GALNT17: variants seen among roughly 807,000 people sequenced by gnomAD.
GALNT17 encodes UDP-GalNAc:polypeptide N-acetylgalactosaminyltransferase-like 3.
Under a neutral mutation model 63.7 loss-of-function variants are expected in GALNT17, and 29 were observed. That is an observed-to-expected ratio of 0.46 (90% CI 0.34 to 0.62). The LOEUF is 0.62. Ranked by LOEUF, GALNT17 falls within the 20% of genes least tolerant of loss-of-function variation. The pLI is 0.01. For synonymous variants in GALNT17, 305 were observed against 318.3 expected (o/e 0.96, Z 0.45); for missense variants, 603 against 799.6 (o/e 0.75, Z 2.97).
intron 5 of GALNT17, among the ~76,000 whole-genome samples, chr7:71,432,242 C>G (rs905686856): frequency 2.0e-5 from 3 of 152,132 alleles, no homozygotes; most frequent in African/African-American, 7.2e-5. Context: ...TCCACTTGTC[C>G]TCTCCCAAAT....
intron 5 of GALNT17, among the ~76,000 whole-genome samples, chr7:71,519,466 AT>A (rs1369388311): frequency 6.6e-6 from 1 of 151,604 alleles, no homozygotes; most frequent in Non-Finnish European, 1.5e-5. Flanking sequence ...TTCCTTTAGA[AT>A]TTTTTTGGTT....
At chr7:71,413,278 A>G (rs1046614429) in intron 3 of GALNT17, among the ~76,000 whole-genome samples, 1 of 152,210 alleles carries the variant, frequency 6.6e-6, no homozygotes, top group Non-Finnish European at 1.5e-5. Context: ...GACTCCTCAC[A>G]GCACTCTTCC....
intron 1 of GALNT17, among the ~76,000 whole-genome samples, chr7:71,182,457 C>G (rs1160471904): frequency 6.6e-6 from 1 of 152,170 alleles, no homozygotes; most frequent in African/African-American, 2.4e-5. Context: ...GCTGCTTCAC[C>G]TTTATGCTCC....
chr7:71,374,089 T>G (rs2116285929), intron 2 of GALNT17, among the ~76,000 whole-genome samples: 1 of 152,320 alleles, frequency 6.6e-6, no homozygotes, highest in African/African-American at 2.4e-5. Flanking sequence ...GTAATGCGTT[T>G]TTGGTGTGGA....
chr7:71,603,877 C>T (rs923412234), intron 6 of GALNT17, among the ~76,000 whole-genome samples: 1 of 151,442 alleles, frequency 6.6e-6, no homozygotes, highest in East Asian at 2.0e-4. Context: ...TAAGTGCATA[C>T]ACCAGGTACT....
chr7:71,548,552 T>C (rs572925102), intron 5 of GALNT17, among the ~76,000 whole-genome samples: 7 of 152,300 alleles, frequency 4.6e-5, no homozygotes, highest in African/African-American at 1.7e-4. Context: ...ATAAGTCTCA[T>C]GAGATCTGAT....
At chr7:71,244,318 A>G (rs2116474745) in intron 1 of GALNT17, among the ~76,000 whole-genome samples, 1 of 152,320 alleles carries the variant, frequency 6.6e-6, no homozygotes, top group East Asian at 1.9e-4. Flanking sequence ...AAGACATTTC[A>G]GTAATTCCTG....
intron 2 of GALNT17, among the ~76,000 whole-genome samples, chr7:71,344,944 G>T (rs1044823041): frequency 7.9e-5 from 12 of 152,094 alleles, no homozygotes; most frequent in Admixed American, 3.3e-4. Flanking sequence ...TGCTGTAGGG[G>T]TTCACGTTTT....
At chr7:71,173,136 A>C (rs1788574924) in intron 1 of GALNT17, among the ~76,000 whole-genome samples, 1 of 152,194 alleles carries the variant, frequency 6.6e-6, no homozygotes, top group Non-Finnish European at 1.5e-5. Context: ...GGACACTGAC[A>C]TGCCTGTTCC....
rs139205490 is a variant in GALNT17 at position 71,345,514 on chromosome 7, C to T, written c.422+9781C>T. On this transcript the variant is annotated intron_variant, in intron 2 of 10. Coordinates refer to ENST00000333538, the MANE Select transcript of GALNT17 (RefSeq NM_022479.3). ...ATCCCGACAATGTCTGCTTTGGATG[C>T]GGCTGGCATGATGACCCTGTGGAGC... 3.3e-5 allele frequency among the ~76,000 whole-genome samples: 5 copies of T among 152,308 alleles called. No individual in the cohort carries two copies. The East Asian group carries it at 5.8e-4, about 18-fold the overall frequency.
At chr7:71,275,356 A>G (rs550941480) in intron 1 of GALNT17, among the ~76,000 whole-genome samples, 1 of 152,320 alleles carries the variant, frequency 6.6e-6, no homozygotes, top group South Asian at 2.1e-4. Context: ...TCTGGAGGTC[A>G]GGAGTTCAAG....
intron 2 of GALNT17, among the ~76,000 whole-genome samples, chr7:71,364,794 G>C (rs1283633924): frequency 6.6e-6 from 1 of 152,136 alleles, no homozygotes; most frequent in Non-Finnish European, 1.5e-5. Context: ...CTTTAAAGAT[G>C]TAGGAATGTA....
rs112253491 is a variant in GALNT17 at position 71,677,166 on chromosome 7, C to T, written c.1405-45C>T. Reference sequence around the variant, plus strand: ...GAACAGTGACTCGGCATCCACACCTCCACTAGCTGAGCTCTCATGGGTCGT... The same window carrying T: ...GAACAGTGACTCGGCATCCACACCTTCACTAGCTGAGCTCTCATGGGTCGT... On this transcript the variant is annotated intron_variant, in intron 8 of 10. Transcript: ENST00000333538. 18 of 1,599,074 alleles carry T rather than the reference C, an allele frequency of 1.1e-5. No individual in the cohort carries two copies. The African/African-American group carries it at 1.6e-4, about 14-fold the overall frequency.
intron 1 of GALNT17, among the ~76,000 whole-genome samples, chr7:71,166,014 A>G (rs1318610840): frequency 6.6e-6 from 1 of 152,066 alleles, no homozygotes; most frequent in Non-Finnish European, 1.5e-5. Context: ...TAAATGGGTC[A>G]TGTACCACGC....
chr7:71,570,959 G>A (rs752360145), intron 5 of GALNT17, among the ~76,000 whole-genome samples: 5 of 152,062 alleles, frequency 3.3e-5, no homozygotes, highest in Non-Finnish European at 7.4e-5. Context: ...GCCTGGGCAA[G>A]AAGAGCAAAA....
chr7:71,234,914 C>G (rs971621178), intron 1 of GALNT17, among the ~76,000 whole-genome samples: 1 of 152,100 alleles, frequency 6.6e-6, no homozygotes, highest in Non-Finnish European at 1.5e-5. Context: ...CCTGCCTATG[C>G]AGAGGACGCT....
At chr7:71,487,029 T>C (rs1787923093) in intron 5 of GALNT17, among the ~76,000 whole-genome samples, 1 of 152,180 alleles carries the variant, frequency 6.6e-6, no homozygotes, top group Non-Finnish European at 1.5e-5. Flanking sequence ...GACTTTTCAG[T>C]GTGGGACACG....
At chr7:71,710,550 CTG>C (rs1791777456) in intron 9 of GALNT17, among the ~76,000 whole-genome samples, 1 of 151,620 alleles carries the variant, frequency 6.6e-6, no homozygotes, top group Admixed American at 6.6e-5. Flanking sequence ...CCTGGGGACT[CTG>C]TATCCAGGCT....
At chr7:71,456,348 G>A (rs183837957) in intron 5 of GALNT17, among the ~76,000 whole-genome samples, 88 of 152,144 alleles carry the variant, frequency 5.8e-4, no homozygotes, top group African/African-American at 1.2e-3. Context: ...TTTATAATTC[G>A]AAAATCAAGT....
Sources: allele counts gnomAD v4.1 joint callset (sites outside exome capture counted in the v4.1 genomes callset), GRCh38; gene constraint gnomAD v4.1.1; transcripts MANE v1.5; gene names NCBI Gene and HGNC (gene_info 2026-07-23, HGNC 2026-07-21).